The following SRGAP2 variants were observed in gnomAD, a reference collection of about 807,000 sequenced individuals.
SRGAP2 encodes the protein SLIT-ROBO Rho GTPase activating protein 2.
A neutral mutation model predicts 57.2 loss-of-function variants in SRGAP2; 15 were observed. The observed-to-expected ratio is 0.26, with a 90% CI of 0.18 to 0.40. SRGAP2 has a LOEUF of 0.40. SRGAP2 is among the 10% of genes least tolerant of loss of function. The pLI, the probability that SRGAP2 is intolerant of heterozygous loss-of-function variation, is 1.00. For missense variants in SRGAP2, 520 were observed against 669.6 expected, an observed-to-expected ratio of 0.78 and a Z score of 2.47; for synonymous variants, 249 against 248.0, an observed-to-expected ratio of 1.00 and a Z score of -0.04.
intron 3 of SRGAP2, among the ~76,000 whole-genome samples, chr1:206,327,391 A>G (rs1674012990): frequency 6.7e-6 from 1 of 150,268 alleles, no homozygotes; most frequent in African/African-American, 2.5e-5. Flanking sequence ...TTATGAAACA[A>G]GTTTATTATA....
chr1:206,417,397 C>A (rs1241740457), intron 11 of SRGAP2, among the ~76,000 whole-genome samples: 1 of 144,322 alleles, frequency 6.9e-6, no homozygotes, highest in Admixed American at 7.1e-5. Context: ...AGCCACCATG[C>A]CTGGCTGATC....
intron 4 of SRGAP2, among the ~76,000 whole-genome samples, chr1:206,359,087 A>G (rs1350309455): frequency 6.6e-6 from 1 of 152,120 alleles, no homozygotes; most frequent in African/African-American, 2.4e-5. Flanking sequence ...TCAATTAGCC[A>G]TCTGTTTCTT....
intron 2 of SRGAP2, among the ~76,000 whole-genome samples, chr1:206,247,516 A>G (rs1668567910): frequency 1.3e-5 from 2 of 152,152 alleles, no homozygotes; most frequent in Non-Finnish European, 2.9e-5. Flanking sequence ...ATCCTACTAA[A>G]GACAGTGTCC....
intron 3 of SRGAP2, among the ~76,000 whole-genome samples, chr1:206,325,945 G>A (rs377473629): frequency 1.3e-5 from 2 of 152,164 alleles, no homozygotes; most frequent in African/African-American, 4.8e-5. Context: ...ATGCAAGGTG[G>A]TTTGGGGTCT....
chr1:206,210,403 CTTTTTTTTTT>C (rs71568077), intron 2 of SRGAP2, among the ~76,000 whole-genome samples: 2 of 31,780 alleles, frequency 6.3e-5, no homozygotes, highest in African/African-American at 2.7e-4. Context: ...GGGGTCTTGT[CTTTTTTTTTT>C]TTTTTTTTTT....
intron 14 of SRGAP2, among the ~76,000 whole-genome samples, chr1:206,436,330 T>C (rs1661750999): frequency 6.6e-6 from 1 of 152,094 alleles, no homozygotes; most frequent in Non-Finnish European, 1.5e-5. Flanking sequence ...TGAGAACTAA[T>C]GCCTTGACCT....
intron 4 of SRGAP2, among the ~76,000 whole-genome samples, chr1:206,359,104 CA>C (rs1676693307): frequency 6.6e-6 from 1 of 151,816 alleles, no homozygotes; most frequent in South Asian, 2.1e-4. Context: ...TCTTATCTTA[CA>C]GAAATATCTT....
intron 4 of SRGAP2, among the ~76,000 whole-genome samples, chr1:206,366,468 T>C (rs1654024439): frequency 1.3e-5 from 2 of 151,868 alleles, no homozygotes; most frequent in Admixed American, 6.6e-5. Flanking sequence ...GCTCCACACA[T>C]GCCAGAGACA....
chr1:206,370,266 A>AAAATAAAT (rs61162750), intron 4 of SRGAP2, among the ~76,000 whole-genome samples: 59 of 151,402 alleles, frequency 3.9e-4, no homozygotes, highest in Non-Finnish European at 6.5e-4. Flanking sequence ...ACTCCATCTC[A>AAAATAAAT]AAATAAATAA....
chr1:206,396,595 A>T (rs1315369311), intron 7 of SRGAP2, among the ~76,000 whole-genome samples: 4 of 134,454 alleles, frequency 3.0e-5, no homozygotes, highest in African/African-American at 1.3e-4. Flanking sequence ...AGTACATCAC[A>T]TTGGTAAGAT....
At chr1:206,239,456 G>A (rs1553308653) in intron 2 of SRGAP2, among the ~76,000 whole-genome samples, 1 of 151,954 alleles carries the variant, frequency 6.6e-6, no homozygotes, top group Non-Finnish European at 1.5e-5. Flanking sequence ...TAAAAGAAAA[G>A]TTTTTTTTCT....
intron 2 of SRGAP2, among the ~76,000 whole-genome samples, chr1:206,283,244 A>C (rs1216513043): frequency 1.9e-4 from 28 of 150,590 alleles, no homozygotes; most frequent in African/African-American, 6.3e-4. Flanking sequence ...TTACATTGCA[A>C]TTACTTCTTA....
In SRGAP2 at chr1:206,421,693, C is replaced by T. The variant is rs547819571; in HGVS notation, c.1494+419C>T. 1.5e-4 allele frequency among the ~76,000 whole-genome samples: 23 copies of T among 152,250 alleles called. 1 individual carries two copies. Among genetic ancestry groups the T allele is most frequent in the South Asian group, 4.1e-4 (2 of 4,824 alleles). ...TTGGCAGATTTTGTTTGATTGTTTC[C>T]GGTGGCGTAGTCATTCTAGATGGAC... On this transcript the variant is annotated intron_variant, in intron 13 of 22. Transcript: ENST00000573034.
intron 18 of SRGAP2, among the ~76,000 whole-genome samples, chr1:206,447,523 TG>T (rs1382856891): frequency 6.6e-6 from 1 of 152,188 alleles, no homozygotes; most frequent in Non-Finnish European, 1.5e-5. Flanking sequence ...GAGGAACCTA[TG>T]CTGGCCAGCT....
At chr1:206,451,247 G>A (rs1429777974) in intron 19 of SRGAP2, among the ~76,000 whole-genome samples, 5 of 151,764 alleles carry the variant, frequency 3.3e-5, no homozygotes, top group Non-Finnish European at 5.9e-5. Context: ...CACGCCTACC[G>A]ACTGGAAAAA....
chr1:206,442,436 G>C (rs1662388667), intron 17 of SRGAP2, among the ~76,000 whole-genome samples: 1 of 152,206 alleles, frequency 6.6e-6, no homozygotes, highest in Non-Finnish European at 1.5e-5. Flanking sequence ...AGCCTCGTCT[G>C]TGCCCCCAGA....
At chr1:206,279,638 C>T (rs1164336654) in intron 2 of SRGAP2, among the ~76,000 whole-genome samples, 2 of 140,152 alleles carry the variant, frequency 1.4e-5, no homozygotes, top group Non-Finnish European at 3.1e-5. Context: ...AGGCTGGTCT[C>T]GAACCCCTGG....
intron 10 of SRGAP2, 88 bp from the exon 11 acceptor site, chr1:206,415,801 T>C (rs1487726761): frequency 5.7e-6 from 4 of 707,466 alleles, no homozygotes; most frequent in East Asian, 5.4e-5. Context: ...ATGACCTCTA[T>C]ATAGGGGAAT....
rs1334966894 is a variant in SRGAP2, at chr1:206,287,782, GTT to G, written c.68-15497_68-15496del. Among the ~76,000 whole-genome samples, 5 of 86,918 alleles carry G rather than the reference GTT, an allele frequency of 5.8e-5. 1 individual carries two copies. The highest frequency in any genetic ancestry group is 1.0e-4 in the Admixed American group (1 of 9,820). The allele number at this position is 86,918 out of a possible 152,430, so 57.0% of individuals were successfully genotyped here. Reference sequence around the variant, plus strand: ...AGGGAAGAGATCAAGGAAAATATGCGTTTGTTTGTTTAATAAGATGGGAGAAA... The same window carrying G: ...AGGGAAGAGATCAAGGAAAATATGCGTGTTTGTTTAATAAGATGGGAGAAA... On this transcript the variant is annotated intron_variant, in intron 2 of 22. Transcript: ENST00000573034.
Sources: gnomAD v4.1 joint callset for allele counts (sites outside exome capture counted in the v4.1 genomes callset) on GRCh38, gnomAD v4.1.1 for gene constraint, MANE v1.5 for transcripts, NCBI Gene and HGNC (gene_info 2026-07-23, HGNC 2026-07-21) for gene names.